Variants in SYT1 observed in about 807,000 individuals in gnomAD.
SYT1 encodes the protein synaptotagmin-1.
SYT1 carries 8 observed loss-of-function variants against 44.8 expected under a neutral mutation model. That is an observed-to-expected ratio of 0.18 (90% CI 0.10 to 0.32). The LOEUF (loss-of-function observed/expected upper bound fraction) is 0.32. Ranked by LOEUF, SYT1 falls within the 10% of genes least tolerant of loss-of-function variation. The pLI, the probability that SYT1 is intolerant of heterozygous loss-of-function variation, is 1.00. For missense variants in SYT1, 286 were observed against 509.3 expected, an observed-to-expected ratio of 0.56 and a Z score of 4.22; for synonymous variants, 154 against 188.8, an observed-to-expected ratio of 0.82 and a Z score of 1.51.
chr12:79,411,442 A>G (rs1005947318), intron 9 of SYT1, among the ~76,000 whole-genome samples: 1 of 152,080 alleles, frequency 6.6e-6, no homozygotes, highest in Non-Finnish European at 1.5e-5. Flanking sequence ...TAAGGGAAGG[A>G]GGTGAAATGG....
chr12:79,310,980 C>A (rs981199546), intron 8 of SYT1, among the ~76,000 whole-genome samples: 4 of 152,224 alleles, frequency 2.6e-5, no homozygotes, highest in African/African-American at 9.6e-5. Flanking sequence ...ATTTGACTTC[C>A]TCTTTTCCTA....
chr12:78,901,549 T>C (rs570891222), intron 1 of SYT1, among the ~76,000 whole-genome samples: 34 of 152,290 alleles, frequency 2.2e-4, no homozygotes, highest in African/African-American at 7.9e-4. Context: ...CTTTTGCTTT[T>C]GATTTTAGTG....
rs548094649 is a variant in SYT1 at position 79,430,296 on chromosome 12, C to T, written c.929-13777C>T. On this transcript the variant is annotated intron_variant, in intron 9 of 10. Coordinates refer to ENST00000261205, the MANE Select transcript of SYT1 (RefSeq NM_005639.3). ...CTCTGAGTTCCTGTCACAGTTATTGCTGTACATAAGTCATTTGGCAAGAAA... is the reference window on the plus strand; with the variant it reads ...CTCTGAGTTCCTGTCACAGTTATTGTTGTACATAAGTCATTTGGCAAGAAA... 9.0e-4 allele frequency among the ~76,000 whole-genome samples: 137 copies of T among 152,302 alleles called. 2 individuals carry two copies. The highest frequency in any genetic ancestry group is 8.2e-3 in the Admixed American group (126 of 15,300).
intron 9 of SYT1, among the ~76,000 whole-genome samples, chr12:79,383,765 G>A (rs1884320707): frequency 6.6e-6 from 1 of 152,136 alleles, no homozygotes; most frequent in South Asian, 2.1e-4. Context: ...ACAGAAGAAT[G>A]TTCACATTGC....
Position 79,353,491 on chromosome 12 carries a change from G to C in SYT1, c.811-11G>C. 1 of 1,590,424 alleles carries C rather than the reference G, an allele frequency of 6.3e-7. No homozygotes were observed. Among genetic ancestry groups the C allele is most frequent in the Non-Finnish European group, 8.6e-7 (1 of 1,158,728 alleles). On this transcript the variant is annotated splice_polypyrimidine_tract_variant and intron_variant, in intron 8 of 10. Coordinates refer to ENST00000261205, the MANE Select transcript of SYT1 (RefSeq NM_005639.3). Reference sequence around the variant, plus strand: ...GAAAAATTGCTAATACTTTCTTATTGGTTTTCTTAGCAAGAGAAATTGGGT... The same window carrying C: ...GAAAAATTGCTAATACTTTCTTATTCGTTTTCTTAGCAAGAGAAATTGGGT...
intron 6 of SYT1, among the ~76,000 whole-genome samples, chr12:79,292,895 T>G (rs1336335897): frequency 6.6e-6 from 1 of 152,154 alleles, no homozygotes; most frequent in Non-Finnish European, 1.5e-5. Context: ...CGCTTTTCAT[T>G]TGAAGACATT....
chr12:79,147,029 A>AG lies in SYT1; in HGVS notation c.-17-70470dup, dbSNP rs1869962418. ...CTAATTTTTGTATTTTTAGTAGAGA[A>AG]GGGGTTTCACCATATTGGCCAGGCT... On this transcript the variant is annotated intron_variant, in intron 3 of 10. Transcript: ENST00000261205. Among the ~76,000 whole-genome samples the AG allele has an allele frequency of 5.3e-5, 8 of 152,152 alleles. No homozygotes were observed. The South Asian group carries it at 1.7e-3, about 32-fold the overall frequency.
At chr12:79,363,854 TC>T (rs1883426005) in intron 9 of SYT1, among the ~76,000 whole-genome samples, 1 of 152,060 alleles carries the variant, frequency 6.6e-6, no homozygotes, top group Non-Finnish European at 1.5e-5. Context: ...TCATTCTTGT[TC>T]CCTTTTCACC....
chr12:79,015,459 CA>C (rs1871745554), intron 2 of SYT1, among the ~76,000 whole-genome samples: 1 of 151,978 alleles, frequency 6.6e-6, no homozygotes, highest in African/African-American at 2.4e-5. Flanking sequence ...ATCTCTTTGA[CA>C]ATTTGTTTTA....
At chr12:79,304,447 G>C (rs947134840) in intron 8 of SYT1, among the ~76,000 whole-genome samples, 4 of 152,160 alleles carry the variant, frequency 2.6e-5, no homozygotes, top group Non-Finnish European at 5.9e-5. Flanking sequence ...AGGCAGTACA[G>C]ATGCTTAGCA....
chr12:79,117,500 G>A (rs918039020), intron 3 of SYT1, among the ~76,000 whole-genome samples: 3 of 150,816 alleles, frequency 2.0e-5, no homozygotes, highest in Non-Finnish European at 4.4e-5. Flanking sequence ...GCTTCCACAT[G>A]TGAGCATGGG....
intron 1 of SYT1, among the ~76,000 whole-genome samples, chr12:78,893,240 C>T (rs747222195): frequency 2.0e-5 from 3 of 151,720 alleles, no homozygotes; most frequent in Non-Finnish European, 4.4e-5. Flanking sequence ...ATGATTCTTG[C>T]TTTAATTTTT....
intron 2 of SYT1, among the ~76,000 whole-genome samples, chr12:78,999,001 T>C (rs910863005): frequency 8.5e-5 from 13 of 152,066 alleles, no homozygotes; most frequent in Non-Finnish European, 5.9e-5. Context: ...GATAAAAAGG[T>C]CTCGTTTGTA....
chr12:78,867,856 A>C (rs1370607227), intron 1 of SYT1, among the ~76,000 whole-genome samples: 17 of 151,976 alleles, frequency 1.1e-4, no homozygotes, highest in Non-Finnish European at 1.5e-5. Context: ...AAACTAAAAA[A>C]TAGTATTAAT....
chr12:79,253,061 G>A (rs1418850416), intron 4 of SYT1, among the ~76,000 whole-genome samples: 3 of 152,046 alleles, frequency 2.0e-5, no homozygotes, highest in African/African-American at 7.2e-5. Context: ...TTTTCTGAAA[G>A]TCTCCTCCAG....
chr12:79,063,549 G>C (rs1875541414), intron 3 of SYT1, among the ~76,000 whole-genome samples: 1 of 151,976 alleles, frequency 6.6e-6, no homozygotes, highest in Non-Finnish European at 1.5e-5. Flanking sequence ...AAAGCATAAT[G>C]TTCATTTACA....
intron 4 of SYT1, among the ~76,000 whole-genome samples, chr12:79,227,484 A>G (rs1311621415): frequency 6.6e-6 from 1 of 152,180 alleles, no homozygotes; most frequent in Non-Finnish European, 1.5e-5. Context: ...TAAGCACAGT[A>G]GAAAGTCAAA....
intron 4 of SYT1, among the ~76,000 whole-genome samples, chr12:79,245,038 T>C (rs1457686425): frequency 6.6e-6 from 1 of 152,162 alleles, no homozygotes; most frequent in Non-Finnish European, 1.5e-5. Flanking sequence ...ATGAGTTTTC[T>C]GGCCGAAGGA....
chr12:79,326,072 C>G (rs894077686), intron 8 of SYT1, among the ~76,000 whole-genome samples: 1 of 152,120 alleles, frequency 6.6e-6, no homozygotes, highest in Non-Finnish European at 1.5e-5. Flanking sequence ...AAGGGTAGTA[C>G]AGCAAAATGG....
Sources: gnomAD v4.1 joint callset for allele counts (sites outside exome capture counted in the v4.1 genomes callset) on GRCh38, gnomAD v4.1.1 for gene constraint, MANE v1.5 for transcripts, NCBI Gene and HGNC (gene_info 2026-07-23, HGNC 2026-07-21) for gene names.